The following SRP54 variants were observed in gnomAD, a reference collection of about 807,000 sequenced individuals.
SRP54 encodes the protein signal recognition particle subunit SRP54.
In SRP54, 10 loss-of-function variants were observed where a neutral mutation model predicts 64.8. That is an observed-to-expected ratio of 0.15 (90% CI 0.10 to 0.26). The LOEUF is 0.26. Ranked by LOEUF, SRP54 falls within the 10% of genes least tolerant of loss-of-function variation. The pLI, the probability that SRP54 is intolerant of heterozygous loss-of-function variation, is 1.00. For missense variants in SRP54, 325 were observed against 613.7 expected (o/e 0.53, Z 4.97); for synonymous variants, 193 against 185.6 (o/e 1.04, Z -0.32).
intron 1 of SRP54, among the ~76,000 whole-genome samples, chr14:34,992,986 A>C (rs920140283): frequency 1.3e-5 from 2 of 151,960 alleles, no homozygotes; most frequent in Non-Finnish European, 2.9e-5. Flanking sequence ...CACACTCCTG[A>C]GTAGCTGGGA....
At chr14:35,007,557 A>G (rs1444491647) in intron 5 of SRP54, among the ~76,000 whole-genome samples, 170 bp downstream of exon 5, 1 of 147,170 alleles carries the variant, frequency 6.8e-6, no homozygotes, top group Admixed American at 6.8e-5. Flanking sequence ...GTTATTTTAT[A>G]TAAAATATAT....
At chr14:34,996,817 G>C in intron 2 of SRP54, 30 bp downstream of exon 2, 2 of 1,411,510 alleles carry the variant, frequency 1.4e-6, no homozygotes, top group Non-Finnish European at 2.0e-6. Flanking sequence ...AAATATATAT[G>C]ATTGTATATT....
chr14:35,014,706 AGTATT>A (rs2044410633), intron 10 of SRP54, 33 bp from the exon 11 acceptor site: 2 of 1,437,982 alleles, frequency 1.4e-6, no homozygotes, highest in African/African-American at 2.8e-5. Context: ...AGCAGGGTAT[AGTATT>A]AGTTGTTAAT....
Position 35,029,418 on chromosome 14 carries a change from A to G in SRP54, c.*266A>G, listed in dbSNP as rs1444200264. 4 of 299,622 alleles carry G rather than the reference A, an allele frequency of 1.3e-5. No homozygotes were observed. 18.6% of individuals were successfully genotyped at this position (299,622 alleles called of 1,614,324 possible). A position where few individuals can be genotyped will look rare whatever the true frequency, so the allele number is the denominator to read the frequency against. ...TTCTGTTTTCACCATCATAACACTT[A>G]AGTTAAATCATGATGTAAAATTTTA... On this transcript the variant is annotated 3_prime_UTR_variant, in exon 16 of 16. Coordinates refer to ENST00000216774, the MANE Select transcript of SRP54 (RefSeq NM_003136.4).
intron 14 of SRP54, among the ~76,000 whole-genome samples, chr14:35,024,013 A>C (rs2044579068): frequency 6.6e-6 from 1 of 151,818 alleles, no homozygotes; most frequent in Non-Finnish European, 1.5e-5. Flanking sequence ...TAGTAATATA[A>C]TTTCCATTAT....
At chr14:34,988,578 A>C (rs12431561) in intron 1 of SRP54, among the ~76,000 whole-genome samples, 3 of 47,098 alleles carry the variant, frequency 6.4e-5, no homozygotes, top group Non-Finnish European at 9.6e-5. Context: ...AAAAAAAAAA[A>C]ATATATATAT....
At chr14:35,026,114 C>G (rs1467249826) in intron 14 of SRP54, among the ~76,000 whole-genome samples, 1 of 137,214 alleles carries the variant, frequency 7.3e-6, no homozygotes, top group African/African-American at 2.6e-5. Flanking sequence ...GTGATGATCT[C>G]TTGCTTTCTT....
In SRP54 at chr14:35,029,041, C is replaced by T. The variant is rs1733547940; in HGVS notation, c.1424-20C>T. Reference sequence around the variant, plus strand: ...TAATAATTCTCTGTTTTTAACTCTACTTCCCTACTTTTGCTCTAGGTGGTA... The same window carrying T: ...TAATAATTCTCTGTTTTTAACTCTATTTCCCTACTTTTGCTCTAGGTGGTA... On this transcript the variant is annotated intron_variant, in intron 15 of 15. Transcript: ENST00000216774. 6 of 1,597,794 alleles carry T rather than the reference C, an allele frequency of 3.8e-6. No individual in the cohort carries two copies. The highest frequency in any genetic ancestry group is 1.3e-5 in the African/African-American group (1 of 74,478).
Position 35,014,765 on chromosome 14 carries a change from TGATA to T in SRP54, c.913_916del (p.Asp305LysfsTer5), listed in dbSNP as rs1208852967. 1 of 1,613,892 alleles carries T rather than the reference TGATA, an allele frequency of 6.2e-7. No homozygotes were observed. Among genetic ancestry groups the T allele is most frequent in the East Asian group, 2.2e-5 (1 of 44,842 alleles). ...ATAGGTATGGGCGACATTGAAGGAC[TGATA>T]GATAAAGTCAACGAGTTGAAGTTGG... On this transcript the variant is annotated frameshift_variant, in exon 11 of 16. Coordinates refer to ENST00000216774, the MANE Select transcript of SRP54 (RefSeq NM_003136.4). LOFTEE classifies it high-confidence loss of function.
intron 11 of SRP54, 199 bp from the exon 12 acceptor site, chr14:35,018,493 A>T: frequency 1.9e-6 from 1 of 522,694 alleles, no homozygotes; most frequent in Non-Finnish European, 3.4e-6. Flanking sequence ...CTTCTCTATG[A>T]TAGGACCTGT....
intron 1 of SRP54, among the ~76,000 whole-genome samples, chr14:34,992,739 C>G (rs903782205): frequency 2.6e-5 from 4 of 152,080 alleles, no homozygotes; most frequent in African/African-American, 9.7e-5. Context: ...CCCACCATTA[C>G]ACAGTATACC....
At chr14:35,023,787 A>AAC (rs57037784) in intron 14 of SRP54, among the ~76,000 whole-genome samples, 20,659 of 140,154 alleles carry the variant, frequency 0.15, 1,513 homozygotes, top group Middle Eastern at 0.2. Context: ...CCGGTCCCCA[A>AAC]ACACACACAC....
rs1187163895 is a variant in SRP54 at position 35,013,486 on chromosome 14, A to T, written c.777A>T (p.Ala259=). 6.2e-7 allele frequency: 1 copy of T among 1,613,966 alleles called. No homozygotes were observed. Among genetic ancestry groups the T allele is most frequent in the African/African-American group, 1.3e-5 (1 of 74,934 alleles). Residue 259 remains alanine (A), a synonymous_variant, in exon 9 of 16, where the codon GCA becomes GCT. Transcript: ENST00000216774. ...KLDGHAKGGG[A]LSAVAATKSP... ...ATGGCCATGCAAAAGGAGGTGGTGC[A>T]CTCAGTGCGTAAGTATCATTGATAC...
intron 4 of SRP54, 42 bp from the exon 5 acceptor site, chr14:35,007,241 A>G (rs1356723112): frequency 7.2e-7 from 1 of 1,390,530 alleles, no homozygotes; most frequent in South Asian, 1.3e-5. Flanking sequence ...ATTTATATGT[A>G]TGTTAACCTG....
chr14:35,007,629 T>A (rs1209081820), intron 5 of SRP54, among the ~76,000 whole-genome samples: 2 of 111,254 alleles, frequency 1.8e-5, no homozygotes, highest in East Asian at 7.1e-4. Context: ...TTTATTAAAA[T>A]ATATTTATAT....
At chr14:35,003,764 TCA>T (rs2044214978) in intron 4 of SRP54, among the ~76,000 whole-genome samples, 1 of 143,866 alleles carries the variant, frequency 7.0e-6, no homozygotes, top group African/African-American at 2.5e-5. Flanking sequence ...TGAAACCCCA[TCA>T]CTACAAAAAA....
chr14:35,027,025 T>C (rs2044640118), intron 14 of SRP54, among the ~76,000 whole-genome samples: 1 of 130,404 alleles, frequency 7.7e-6, no homozygotes, highest in South Asian at 2.6e-4. Flanking sequence ...CTTTCTACTT[T>C]CTTTTTTTTT....
At chr14:35,011,245 A>C (rs2044352779) in intron 7 of SRP54, among the ~76,000 whole-genome samples, 1 of 152,238 alleles carries the variant, frequency 6.6e-6, no homozygotes, top group South Asian at 2.1e-4. Flanking sequence ...GAAGATATAA[A>C]AAATAAATTT....
rs186593690 is a variant in SRP54 at position 35,002,376 on chromosome 14, A to T, written c.255+1356A>T. Among the ~76,000 whole-genome samples the T allele has an allele frequency of 6.3e-3, 957 of 151,792 alleles. 14 individuals are homozygous for T. Among genetic ancestry groups the T allele is most frequent in the African/African-American group, 0.022 (920 of 41,410 alleles). On this transcript the variant is annotated intron_variant, in intron 4 of 15. Coordinates refer to ENST00000216774, the MANE Select transcript of SRP54 (RefSeq NM_003136.4). ...CTTTAAAAAAAAACAAACAAAAAAAATTTTTTAGAGCATTAGATGCCCACT... is the reference window on the plus strand; with the variant it reads ...CTTTAAAAAAAAACAAACAAAAAAATTTTTTTAGAGCATTAGATGCCCACT...
Sources: gnomAD v4.1 joint callset for allele counts (sites outside exome capture counted in the v4.1 genomes callset) on GRCh38, gnomAD v4.1.1 for gene constraint, MANE v1.5 for transcripts, NCBI Gene and HGNC (gene_info 2026-07-23, HGNC 2026-07-21) for gene names.